The following ITPR1 variants were observed in gnomAD, a reference collection of about 807,000 sequenced individuals.
ITPR1 encodes the protein inositol 1,4,5-trisphosphate-gated calcium channel ITPR1.
ITPR1 carries 96 observed loss-of-function variants against 318.4 expected under a neutral mutation model. The observed-to-expected ratio is 0.30, with a 90% confidence interval of 0.26 to 0.36. The LOEUF (loss-of-function observed/expected upper bound fraction) is 0.36, where lower values mean the gene tolerates loss of function less well. Ranked by LOEUF, ITPR1 falls within the 10% of genes least tolerant of loss-of-function variation. The pLI, the probability that ITPR1 is intolerant of heterozygous loss-of-function variation, is 1.00. For synonymous variants in ITPR1, 1,312 were observed against 1,289.9 expected, an observed-to-expected ratio of 1.02 and a Z score of -0.37; for missense variants, 2,440 against 3,460.2, an observed-to-expected ratio of 0.71 and a Z score of 7.40.
chr3:4,641,577 T>C (rs1360091977), intron 6 of ITPR1, among the ~76,000 whole-genome samples: 1 of 152,216 alleles, frequency 6.6e-6, no homozygotes, highest in Non-Finnish European at 1.5e-5. Flanking sequence ...GATCTCCCTG[T>C]GTCGCCCAGG....
intron 26 of ITPR1, 28 bp downstream of exon 26, chr3:4,681,446 T>C: frequency 6.6e-7 from 1 of 1,513,194 alleles, no homozygotes; most frequent in Non-Finnish European, 9.2e-7. Context: ...TACTGTTTTG[T>C]AGGGAAGGCT....
At chr3:4,767,644 G>A (rs55990720) in intron 45 of ITPR1, among the ~76,000 whole-genome samples, 36,595 of 152,168 alleles carry the variant, frequency 0.24, 5,771 homozygotes, top group Non-Finnish European at 0.35. Context: ...TCAGCCTCCT[G>A]AGTAGCTGGG....
At chr3:4,630,899 T>G (rs1559573836) in intron 5 of ITPR1, among the ~76,000 whole-genome samples, 1 of 152,184 alleles carries the variant, frequency 6.6e-6, no homozygotes, top group Non-Finnish European at 1.5e-5. Context: ...GTCAGCATTA[T>G]TTTTTACAAT....
At chr3:4,592,995 A>G (rs2090510555) in intron 4 of ITPR1, among the ~76,000 whole-genome samples, 1 of 152,192 alleles carries the variant, frequency 6.6e-6, no homozygotes, top group Non-Finnish European at 1.5e-5. Context: ...CTCTGGTGTA[A>G]TAATTGAAAG....
chr3:4,781,800 T>A lies in ITPR1; in HGVS notation c.6388-819T>A, dbSNP rs552452610. ...GAGTTCAAGACCAGCCTGGGCAACATAGTGAGACCTTGTGTTTACAAAAAA... is the reference window on the plus strand; with the variant it reads ...GAGTTCAAGACCAGCCTGGGCAACAAAGTGAGACCTTGTGTTTACAAAAAA... On this transcript the variant is annotated intron_variant, in intron 49 of 61. Transcript: ENST00000649015. 6.6e-5 allele frequency among the ~76,000 whole-genome samples: 10 copies of A among 152,170 alleles called. No homozygotes were observed. In the South Asian group the frequency reaches 1.9e-3, roughly 28 times the overall value.
At chr3:4,778,902 C>G (rs1303625249) in intron 48 of ITPR1, among the ~76,000 whole-genome samples, 5 of 152,154 alleles carry the variant, frequency 3.3e-5, no homozygotes, top group Non-Finnish European at 7.3e-5. Flanking sequence ...GTATCATAGA[C>G]CCAGGGCCTA....
At chr3:4,624,094 C>T (rs879695686) in intron 4 of ITPR1, among the ~76,000 whole-genome samples, 4 of 152,156 alleles carry the variant, frequency 2.6e-5, no homozygotes, top group African/African-American at 9.7e-5. Flanking sequence ...TATCCTTTGG[C>T]ATCATGAATC....
intron 5 of ITPR1, among the ~76,000 whole-genome samples, chr3:4,631,794 G>C (rs1472211180): frequency 6.6e-6 from 1 of 152,126 alleles, no homozygotes; most frequent in Non-Finnish European, 1.5e-5. Flanking sequence ...GTAAAATGGA[G>C]TGGGGTGCTA....
chr3:4,733,571 C>T (rs534571263), intron 43 of ITPR1, among the ~76,000 whole-genome samples: 81 of 152,220 alleles, frequency 5.3e-4, no homozygotes, highest in African/African-American at 1.9e-3. Context: ...GATATTGGCA[C>T]CCAGGATAGT....
chr3:4,554,485 T>G (rs1019480117), intron 4 of ITPR1, among the ~76,000 whole-genome samples: 1 of 152,192 alleles, frequency 6.6e-6, no homozygotes, highest in Non-Finnish European at 1.5e-5. Flanking sequence ...TGATGCTGGC[T>G]ATGTGCCAGG....
Position 4,813,170 on chromosome 3 carries a change from C to G in ITPR1, c.7497C>G (p.Phe2499Leu), listed in dbSNP as rs765121913. The G allele has an allele frequency of 1.2e-6, 2 of 1,613,994 alleles. No individual in the cohort carries two copies. Among genetic ancestry groups the G allele is most frequent in the Non-Finnish European group, 1.7e-6 (2 of 1,179,888 alleles). ...PETGESLASE[F>L]LFSDVCRVES... The stretch of plus-strand genomic sequence containing the variant: ...CCGGCGAGAGTTTGGCAAGCGAGTT[C>G]CTGTTCTCCGATGTGTGTAGGGTGG... The change falls in exon 57 of 62, where the codon TTC becomes TTG. Residue 2499 changes from phenylalanine to leucine, a missense_variant. Physicochemically the swap from Phe to Leu is conservative, Grantham distance 22 (BLOSUM62 0). Around this residue, in one of 23 missense-constraint regions of ITPR1, gnomAD observed 88 missense variants for 90.5 expected, o/e 0.97. Transcript: ENST00000649015.
chr3:4,786,510 T>C (rs1218539776), intron 51 of ITPR1, among the ~76,000 whole-genome samples: 2 of 152,246 alleles, frequency 1.3e-5, no homozygotes, highest in Non-Finnish European at 2.9e-5. Context: ...TTGGGAGAGC[T>C]AGAACCAGCT....
At chr3:4,721,172 G>GTGTATATATATATATATATATATA (rs1356149562) in intron 40 of ITPR1, among the ~76,000 whole-genome samples, 5 of 125,072 alleles carry the variant, frequency 4.0e-5, no homozygotes, top group South Asian at 2.5e-4. Flanking sequence ...GTGTGTGCGT[G>GTGTATATATATATATATATATATA]TATATATATA....
intron 4 of ITPR1, among the ~76,000 whole-genome samples, chr3:4,524,869 G>A (rs2082853651): frequency 1.3e-5 from 2 of 152,234 alleles, no homozygotes; most frequent in South Asian, 4.1e-4. Context: ...GCCAACCTTG[G>A]TTTTCTCACC....
At position 4,705,775 on chromosome 3, in the gene ITPR1, A is replaced by G. The variant is rs1454153749; in HGVS notation, c.4658-392A>G. ...AACCCAGCATTTTTGTAGATTGTTG[A>G]ACAAACCTGAAAAATAACTAGCAAA... On this transcript the variant is annotated intron_variant, in intron 36 of 61. Transcript: ENST00000649015. Among the ~76,000 whole-genome samples, 6 of 152,304 alleles carry G rather than the reference A, an allele frequency of 3.9e-5. No individual in the cohort carries two copies. The East Asian group carries it at 1.2e-3, about 29-fold the overall frequency.
rs183924664 is a variant in ITPR1, at chr3:4,644,116, A to T, written c.526-20A>T. On this transcript the variant is annotated intron_variant, in intron 7 of 61. Coordinates refer to ENST00000649015, the MANE Select transcript of ITPR1 (RefSeq NM_001378452.1). ...CCTTATCAGTTTTGTGCAAAGCTCT[A>T]TTGCTCCTTTCCATTCCAGGTGGTC... 1.3e-6 allele frequency: 2 copies of T among 1,554,896 alleles called. No homozygotes were observed. The highest frequency in any genetic ancestry group is 1.8e-6 in the Non-Finnish European group (2 of 1,131,432).
chr3:4,594,450 T>G (rs1414244102), intron 4 of ITPR1, among the ~76,000 whole-genome samples: 4 of 152,142 alleles, frequency 2.6e-5, no homozygotes, highest in African/African-American at 9.7e-5. Flanking sequence ...AGATAAAGAT[T>G]CGTTTTTATC....
chr3:4,582,293 T>A (rs2089434791), intron 4 of ITPR1, among the ~76,000 whole-genome samples: 1 of 152,178 alleles, frequency 6.6e-6, no homozygotes, highest in African/African-American at 2.4e-5. Context: ...AAACCGCTGG[T>A]TAATTTAATG....
At chr3:4,764,890 C>T (rs74520610) in intron 44 of ITPR1, among the ~76,000 whole-genome samples, 2 of 152,038 alleles carry the variant, frequency 1.3e-5, no homozygotes, top group East Asian at 1.9e-4. Flanking sequence ...GTTCACTTCT[C>T]TTATAACTGA....
Sources: gnomAD v4.1 joint callset for allele counts (sites outside exome capture counted in the v4.1 genomes callset) on GRCh38, gnomAD v4.1.1 for gene constraint, gnomAD v4.1.1 regional missense constraint, MANE v1.5 for transcripts, NCBI Gene and HGNC (gene_info 2026-07-23, HGNC 2026-07-21) for gene names.